The following ADAM19 variants were observed in gnomAD, a reference collection of about 807,000 sequenced individuals.
ADAM19 encodes the protein ADAM metallopeptidase domain 19, also known as disintegrin and metalloproteinase domain-containing protein 19.
In ADAM19, 65 loss-of-function variants were observed where a neutral mutation model predicts 114.7. The ratio of observed to expected loss-of-function variants is 0.57; its 90% CI spans 0.46 to 0.70. ADAM19 has a LOEUF of 0.70. Ranked by LOEUF, ADAM19 falls within the 30% of genes least tolerant of loss-of-function variation. The pLI is 0.00. For missense variants in ADAM19, 1,063 were observed against 1,204.7 expected (o/e 0.88, Z 1.74); for synonymous variants, 466 against 460.5 (o/e 1.01, Z -0.15).
intron 8 of ADAM19, 118 bp from the exon 9 acceptor site, chr5:157,509,585 A>C: frequency 1.2e-6 from 1 of 847,256 alleles, no homozygotes; most frequent in Non-Finnish European, 1.6e-6. Flanking sequence ...CTAAAAAATA[A>C]AAATAAATTT....
At chr5:157,490,072 G>A (rs2113695269) in intron 19 of ADAM19, among the ~76,000 whole-genome samples, 1 of 152,316 alleles carries the variant, frequency 6.6e-6, no homozygotes, top group South Asian at 2.1e-4. Context: ...ACTTGATTTG[G>A]TTGGGGATAT....
At chr5:157,501,407 T>C (rs1755558693) in intron 12 of ADAM19, among the ~76,000 whole-genome samples, 1 of 152,222 alleles carries the variant, frequency 6.6e-6, no homozygotes, top group Non-Finnish European at 1.5e-5. Context: ...TGTACATATA[T>C]TCTTTTGCAA....
chr5:157,502,744 T>G (rs1755610131), intron 12 of ADAM19, 59 bp downstream of exon 12: 350 of 1,575,820 alleles, frequency 2.2e-4, no homozygotes, highest in Non-Finnish European at 2.8e-4. Flanking sequence ...TCTTTGACCT[T>G]GAGTTTTGAA....
Position 157,481,103 on chromosome 5 carries a change from C to A in ADAM19, c.2704-101G>T, listed in dbSNP as rs932390761. On this transcript the variant is annotated intron_variant, in intron 22 of 22. Transcript: ENST00000257527. The stretch of plus-strand genomic sequence containing the variant: ...CCCGATTTTAGAAGGAAGGATGGAC[C>A]ACCCACTGAGAACAAAGGCTTCTTG... 9.5e-6 allele frequency: 14 copies of A among 1,477,940 alleles called. No individual in the cohort carries two copies. In the Admixed American group the frequency reaches 1.3e-4, roughly 14 times the overall value. 91.6% of individuals were successfully genotyped at this position (1,477,940 alleles called of 1,614,324 possible). A position where few individuals can be genotyped will look rare whatever the true frequency, so the allele number is the denominator to read the frequency against.
chr5:157,527,644 G>A (rs1241098276), intron 5 of ADAM19, among the ~76,000 whole-genome samples: 4 of 152,130 alleles, frequency 2.6e-5, no homozygotes, highest in East Asian at 1.9e-4. Flanking sequence ...ATTGCAATTC[G>A]AGATCAGATT....
chr5:157,512,934 G>C (rs1755965150), intron 8 of ADAM19, among the ~76,000 whole-genome samples: 1 of 152,144 alleles, frequency 6.6e-6, no homozygotes, highest in Non-Finnish European at 1.5e-5. Context: ...CCTGGGCTTT[G>C]TATCTGGAAG....
chr5:157,558,693 G>A (rs932263570), intron 3 of ADAM19, among the ~76,000 whole-genome samples: 16 of 152,190 alleles, frequency 1.1e-4, no homozygotes, highest in African/African-American at 3.9e-4. Flanking sequence ...GGGTGGAGGT[G>A]GGGAGAGCTC....
At chr5:157,575,290 G>C (rs937064347) in intron 1 of ADAM19, among the ~76,000 whole-genome samples, 3 of 152,232 alleles carry the variant, frequency 2.0e-5, no homozygotes, top group Non-Finnish European at 4.4e-5. Context: ...AACGGAGGAG[G>C]ATAAGCCCCG....
chr5:157,537,924 G>A lies in ADAM19; in HGVS notation c.319C>T (p.Arg107Trp), dbSNP rs759414753. Reference protein sequence around the residue: ...TSSGNPQTTTRKLEDHCFYHG... With the variant: ...TSSGNPQTTTWKLEDHCFYHG... ...TGACCTGAACTCACCTCCAATTTCCGTGTGGTGGTTTGAGGGTTACCACTT... is the reference window on the plus strand; with the variant it reads ...TGACCTGAACTCACCTCCAATTTCCATGTGGTGGTTTGAGGGTTACCACTT... Residue 107 changes from arginine to tryptophan, a missense_variant, in exon 4 of 23, where the codon CGG becomes TGG. This residue lies in a region of ADAM19 where 615 missense variants were observed against 706.3 expected (regional missense o/e 0.87). Transcript: ENST00000257527. The A allele has an allele frequency of 1.1e-5, 17 of 1,613,882 alleles. No homozygotes were observed. The highest frequency in any genetic ancestry group is 2.2e-5 in the East Asian group (1 of 44,878).
Position 157,493,187 on chromosome 5 carries a change from A to T in ADAM19, c.1704-10T>A. The T allele has an allele frequency of 6.2e-7, 1 of 1,610,702 alleles. No homozygotes were observed. The highest frequency in any genetic ancestry group is 2.2e-5 in the East Asian group (1 of 44,768). ...CCCACACTTCGCATCTCTGGGCACA[A>T]GAGACAGAGAGGGAAGGAAGCGGAA... is the stretch of plus-strand genomic sequence containing the variant. On this transcript the variant is annotated splice_polypyrimidine_tract_variant and intron_variant, in intron 15 of 22. Coordinates refer to ENST00000257527, the MANE Select transcript of ADAM19 (RefSeq NM_033274.5).
At chr5:157,499,976 G>A (rs1467076952) in intron 12 of ADAM19, among the ~76,000 whole-genome samples, 2 of 150,598 alleles carry the variant, frequency 1.3e-5, no homozygotes, top group South Asian at 2.1e-4. Flanking sequence ...ATTGGGTTTC[G>A]TCATGTTGGC....
chr5:157,567,093 G>A (rs1032977664), intron 2 of ADAM19, among the ~76,000 whole-genome samples: 1 of 152,164 alleles, frequency 6.6e-6, no homozygotes, highest in African/African-American at 2.4e-5. Flanking sequence ...CACCTGTTCT[G>A]CCACCTCTGG....
chr5:157,483,651 T>TG (rs1554132095), intron 21 of ADAM19, among the ~76,000 whole-genome samples: 1 of 151,490 alleles, frequency 6.6e-6, no homozygotes, highest in Non-Finnish European at 1.5e-5. Context: ...TTTTTTTTTT[T>TG]GAGATGGAGT....
intron 21 of ADAM19, among the ~76,000 whole-genome samples, chr5:157,488,047 C>A (rs1755005683): frequency 6.6e-6 from 1 of 152,094 alleles, no homozygotes; most frequent in Admixed American, 6.6e-5. Context: ...ATAGGCCAAC[C>A]CGGGAGAAAA....
chr5:157,513,052 G>A (rs1755970366), intron 8 of ADAM19, among the ~76,000 whole-genome samples: 3 of 152,134 alleles, frequency 2.0e-5, no homozygotes, highest in Non-Finnish European at 1.5e-5. Flanking sequence ...ACAGTGTTCT[G>A]GGTCCTCACC....
At chr5:157,497,793 C>T (rs1755413168) in intron 13 of ADAM19, among the ~76,000 whole-genome samples, 1 of 152,224 alleles carries the variant, frequency 6.6e-6, no homozygotes. Flanking sequence ...ACACCTGGGG[C>T]AAAGGGCGAA....
chr5:157,538,030 A>T, intron 3 of ADAM19, 39 bp from the exon 4 acceptor site: 3 of 1,518,196 alleles, frequency 2.0e-6, no homozygotes, highest in Non-Finnish European at 1.8e-6. Flanking sequence ...TCATAAGTGG[A>T]TGAACTCCAC....
chr5:157,519,878 A>G lies in ADAM19; in HGVS notation c.561T>C (p.Ala187=), dbSNP rs113993130. Residue 187 remains alanine, a synonymous_variant, in exon 6 of 23, where the codon GCT becomes GCC. Transcript: ENST00000257527. ...EHSKPTTRDW[A]LQFTQQTKKR... The stretch of plus-strand genomic sequence containing the variant: ...TCTTGGTCTGTTGTGTAAACTGAAG[A>G]GCCCAGTCCCTGGTGGTGGGCTTGG... 6.2e-7 allele frequency: 1 copy of G among 1,613,968 alleles called. No homozygotes were observed. Among genetic ancestry groups the G allele is most frequent in the African/African-American group, 1.3e-5 (1 of 74,986 alleles).
intron 8 of ADAM19, among the ~76,000 whole-genome samples, chr5:157,511,153 C>A (rs113322401): frequency 2.0e-5 from 3 of 152,162 alleles, no homozygotes; most frequent in Non-Finnish European, 4.4e-5. Context: ...ACAACGGGTT[C>A]TTTGATGGGT....
Sources: allele counts gnomAD v4.1 joint callset (sites outside exome capture counted in the v4.1 genomes callset), GRCh38; gene constraint gnomAD v4.1.1; regional missense constraint gnomAD v4.1.1; transcripts MANE v1.5; gene names NCBI Gene and HGNC (gene_info 2026-07-23, HGNC 2026-07-21).